The following GALK2 variants were observed in gnomAD, a reference collection of about 807,000 sequenced individuals.
GALK2 encodes the protein N-acetylgalactosamine kinase.
In GALK2, 36 loss-of-function variants were observed where a neutral mutation model predicts 52.4. The observed-to-expected ratio is 0.69, with a 90% CI of 0.53 to 0.91. The LOEUF is 0.91. Ranked by LOEUF, GALK2 falls within the 40% of genes least tolerant of loss-of-function variation. The pLI is 0.00. For synonymous variants in GALK2, 176 were observed against 199.1 expected (o/e 0.88, Z 0.98); for missense variants, 579 against 559.1 (o/e 1.04, Z -0.36).
chr15:49,167,939 T>C (rs924073750), upstream of GALK2, among the ~76,000 whole-genome samples: 9 of 152,182 alleles, frequency 5.9e-5, no homozygotes, highest in Non-Finnish European at 1.0e-4. Context: ...ATGTACACAT[T>C]TTATTTTGGG....
chr15:49,156,416 A>C (rs2084452051), intron 1 of GALK2: 3 of 442,100 alleles, frequency 6.8e-6, no homozygotes, highest in Non-Finnish European at 1.3e-5. Flanking sequence ...TCTCGCTCCC[A>C]GGCACCCCTC....
At chr15:49,267,576 T>C (rs950855688) in intron 5 of GALK2, among the ~76,000 whole-genome samples, 2 of 152,166 alleles carry the variant, frequency 1.3e-5, no homozygotes, top group Non-Finnish European at 2.9e-5. Flanking sequence ...TCTGTTTGGG[T>C]ATGTCTTGGA....
chr15:49,300,193 C>T (rs1238989466), intron 8 of GALK2, among the ~76,000 whole-genome samples: 1 of 151,878 alleles, frequency 6.6e-6, no homozygotes, highest in Non-Finnish European at 1.5e-5. Flanking sequence ...TTATGTAATG[C>T]CCATTTTTGA....
Position 49,363,763 on chromosome 15 carries a change from C to T in GALK2, c.427-3728C>T, listed in dbSNP as rs1235589335. ...TTTGCTGTGGGTTTGTCATAGATGG[C>T]TCTTATTATTTTGAAGTATGTTCCT... On this transcript the variant is annotated intron_variant, in intron 3 of 3. Transcript: ENST00000558399. 2.0e-5 allele frequency among the ~76,000 whole-genome samples: 3 copies of T among 152,098 alleles called. No homozygotes were observed. In the East Asian group the frequency reaches 5.8e-4, roughly 29 times the overall value.
intron 3 of GALK2, chr15:49,225,178 A>G (rs1393807854): frequency 4.4e-6 from 2 of 455,738 alleles, no homozygotes; most frequent in Admixed American, 4.7e-5. Context: ...GATCACTGGC[A>G]CTGATCCTGT....
At chr15:49,300,565 CTTGAA>C (rs1324900181) in intron 8 of GALK2, among the ~76,000 whole-genome samples, 3 of 152,034 alleles carry the variant, frequency 2.0e-5, no homozygotes, top group African/African-American at 7.2e-5. Context: ...CAAATCTTAT[CTTGAA>C]TTGTAGTTCC....
chr15:49,354,913 C>T (rs893127877), intron 3 of GALK2, among the ~76,000 whole-genome samples: 9 of 152,168 alleles, frequency 5.9e-5, no homozygotes, highest in African/African-American at 2.2e-4. Context: ...AGACTGCCTC[C>T]TCAAGTGGGT....
intron 1 of GALK2, among the ~76,000 whole-genome samples, chr15:49,159,987 A>T (rs2084594101): frequency 6.6e-6 from 1 of 152,120 alleles, no homozygotes; most frequent in Non-Finnish European, 1.5e-5. Context: ...AAGATTAATA[A>T]TACTGGCCAG....
In GALK2 at chr15:49,234,181, C is replaced by A. The variant is rs531427962; in HGVS notation, c.267-1670C>A. 5.9e-5 allele frequency among the ~76,000 whole-genome samples: 9 copies of A among 152,210 alleles called. 1 individual carries two copies. Among genetic ancestry groups the A allele is most frequent in the African/African-American group, 2.2e-4 (9 of 41,524 alleles). ...ATTCTCCCATTTCACATACATTGTC[C>A]TTCGGCTGATTTTAGGAGCCTATTT... On this transcript the variant is annotated intron_variant, in intron 3 of 9. Coordinates refer to ENST00000560031, the MANE Select transcript of GALK2 (RefSeq NM_002044.4).
intron 3 of GALK2, among the ~76,000 whole-genome samples, chr15:49,346,252 G>A (rs1337835881): frequency 6.6e-6 from 1 of 152,156 alleles, no homozygotes; most frequent in African/African-American, 2.4e-5. Flanking sequence ...GCGCAAGTGC[G>A]CAACAAATGG....
intron 3 of GALK2, 29 bp downstream of exon 3, chr15:49,217,342 G>A (rs1008486904): frequency 1.9e-6 from 3 of 1,609,804 alleles, no homozygotes; most frequent in Non-Finnish European, 1.7e-6. Context: ...TAGTGTGTGT[G>A]TATGTATGGT....
chr15:49,366,349 C>T (rs1037087441), intron 3 of GALK2: 3 of 787,326 alleles, frequency 3.8e-6, no homozygotes, highest in Non-Finnish European at 7.1e-6. Flanking sequence ...TGACAACCAA[C>T]ATTGCTTCAG....
chr15:49,190,961 A>T (rs1311743560), intron 1 of GALK2, among the ~76,000 whole-genome samples: 3 of 152,138 alleles, frequency 2.0e-5, no homozygotes, highest in African/African-American at 7.2e-5. Flanking sequence ...TGCTCAGTTA[A>T]ACCCCTTTAA....
intron 5 of GALK2, among the ~76,000 whole-genome samples, chr15:49,277,379 G>A (rs1233120043): frequency 3.6e-5 from 5 of 139,950 alleles, no homozygotes; most frequent in African/African-American, 5.2e-5. Context: ...CGTTTTAGCC[G>A]GGATGGTCTC....
chr15:49,281,488 T>C lies in GALK2; in HGVS notation c.505-499T>C, dbSNP rs576678677. Among the ~76,000 whole-genome samples the C allele has an allele frequency of 2.0e-5, 3 of 152,330 alleles. No homozygotes were observed. In the South Asian group the frequency reaches 6.2e-4, roughly 32 times the overall value. ...TTGGAGGAAGATGAGCCTGATGAGA[T>C]GACACCAGTTCTGATTCTTACATTT... On this transcript the variant is annotated intron_variant, in intron 5 of 9. Coordinates refer to ENST00000560031, the MANE Select transcript of GALK2 (RefSeq NM_002044.4).
chr15:49,246,834 A>G (rs1363332748), intron 5 of GALK2, among the ~76,000 whole-genome samples: 1 of 152,152 alleles, frequency 6.6e-6, no homozygotes, highest in Non-Finnish European at 1.5e-5. Flanking sequence ...TACCACTTGA[A>G]AGCAGTGATT....
exon 4 of GALK2, chr15:49,367,506 C>A: frequency 6.2e-7 from 1 of 1,605,470 alleles, no homozygotes; most frequent in Non-Finnish European, 8.5e-7. Flanking sequence ...TTGGAAATAC[C>A]AGCCAGCTCA....
intron 5 of GALK2, among the ~76,000 whole-genome samples, chr15:49,243,393 C>G (rs1056121787): frequency 6.6e-6 from 1 of 152,096 alleles, no homozygotes; most frequent in Non-Finnish European, 1.5e-5. Context: ...CCTCACCACC[C>G]TACACTCCAG....
chr15:49,188,545 A>G (rs2086519512), intron 1 of GALK2, among the ~76,000 whole-genome samples: 1 of 152,118 alleles, frequency 6.6e-6, no homozygotes, highest in Non-Finnish European at 1.5e-5. Flanking sequence ...TATCTTTCCA[A>G]CCGTCTTCAG....
Sources: allele counts gnomAD v4.1 joint callset (sites outside exome capture counted in the v4.1 genomes callset), GRCh38; gene constraint gnomAD v4.1.1; transcripts MANE v1.5; gene names NCBI Gene and HGNC (gene_info 2026-07-23, HGNC 2026-07-21).